Variants in HMCN2 observed in about 807,000 individuals in gnomAD.
HMCN2 encodes hemicentin 2, also known as hemicentin-2.
Under a neutral mutation model 377.5 loss-of-function variants are expected in HMCN2, and 325 were observed. The ratio of observed to expected loss-of-function variants is 0.86; its 90% CI spans 0.79 to 0.94. HMCN2 has a LOEUF of 0.94. HMCN2 is among the 40% of genes least tolerant of loss of function. The pLI, the probability that HMCN2 is intolerant of heterozygous loss-of-function variation, is 0.00. For synonymous variants in HMCN2, 2,007 were observed against 2,046.8 expected (o/e 0.98, Z 0.53); for missense variants, 4,543 against 4,725.3 (o/e 0.96, Z 1.13).
chr9:130,379,576 T>C, intron 54 of HMCN2, 109 bp downstream of exon 54: 1 of 364,002 alleles, frequency 2.7e-6, no homozygotes, highest in Non-Finnish European at 3.8e-6. Context: ...AGCTGCAATT[T>C]GTAAACTGGG....
intron 86 of HMCN2, among the ~76,000 whole-genome samples, chr9:130,420,089 T>TTTTTA (rs1491530163): frequency 8.6e-6 from 1 of 116,662 alleles, no homozygotes; most frequent in African/African-American, 3.5e-5. Flanking sequence ...TTTTTTTTTT[T>TTTTTA]GAGACGGAGT....
rs1000312184 is a variant in HMCN2 at position 130,427,556 on chromosome 9, G to A, written c.14002G>A (p.Gly4668Ser). The change falls in exon 92 of 98, where the codon GGC (glycine) becomes AGC (serine). Residue 4668 changes from glycine (G) to serine (S), a missense_variant. Around this residue, in one of 5 missense-constraint regions of HMCN2, gnomAD observed 1,155 missense variants for 1,157.7 expected, o/e 1.00. Transcript: ENST00000683500. ...CTCCCATGCCTGCCTTAATGCACCC[G>A]GCCGCTTCTCCTGCACCTGCCCCAC... is the stretch of plus-strand genomic sequence containing the variant. ...PCSHACLNAP[G>S]RFSCTCPTGF... 3.0e-5 allele frequency: 46 copies of A among 1,550,372 alleles called. No individual in the cohort carries two copies. The highest frequency in any genetic ancestry group is 3.6e-5 in the South Asian group (3 of 84,062).
intron 57 of HMCN2, among the ~76,000 whole-genome samples, chr9:130,384,107 G>C (rs964844913): frequency 6.6e-6 from 1 of 152,224 alleles, no homozygotes; most frequent in Non-Finnish European, 1.5e-5. Context: ...AGCCCTCAAG[G>C]TCATGGGCTC....
chr9:130,416,351 C>T (rs7853951), intron 85 of HMCN2, among the ~76,000 whole-genome samples: 56,083 of 151,856 alleles, frequency 0.37, 11,094 homozygotes, highest in Non-Finnish European at 0.45. Flanking sequence ...GTGATCCACC[C>T]GCCTCGGCCT....
rs1389764752 is a variant in HMCN2, at chr9:130,431,440, G to A, written c.14721G>A (p.Leu4907=). Residue 4907 remains leucine, a synonymous_variant, in exon 96 of 98, where the codon CTG becomes CTA. Coordinates refer to ENST00000683500, the MANE Select transcript of HMCN2 (RefSeq NM_001291815.2). ...CRNTEGSYQC[L]CPAGYRLLPS... ...ACACTGAGGGCAGCTACCAGTGCCTGTGCCCCGCCGGCTACCGTCTGCTCC... is the reference window on the plus strand; with the variant it reads ...ACACTGAGGGCAGCTACCAGTGCCTATGCCCCGCCGGCTACCGTCTGCTCC... 1 of 1,550,082 alleles carries A rather than the reference G, an allele frequency of 6.5e-7. No individual in the cohort carries two copies. The highest frequency in any genetic ancestry group is 1.4e-5 in the African/African-American group (1 of 73,050).
At chr9:130,354,300 G>A (rs118171219) in intron 31 of HMCN2, among the ~76,000 whole-genome samples, 3,278 of 152,214 alleles carry the variant, frequency 0.022, 36 homozygotes, top group Middle Eastern at 0.058. Flanking sequence ...CTTGGCCATC[G>A]CTGGCTAAGT....
rs1045286180 is a variant in HMCN2, at chr9:130,335,870, G to A, written c.3360-2024G>A. On this transcript the variant is annotated intron_variant, in intron 22 of 97. Transcript: ENST00000683500. The stretch of plus-strand genomic sequence containing the variant: ...GCAGTGGTTCCCTGGAGGCGGTTCC[G>A]CAGCCATTAGTATCAGCTACCTAGG... 3.2e-3 allele frequency among the ~76,000 whole-genome samples: 491 copies of A among 152,274 alleles called. 5 individuals carry two copies. The highest frequency in any genetic ancestry group is 0.011 in the African/African-American group (446 of 41,538).
chr9:130,271,564 C>T (rs1287896679), intron 1 of HMCN2, among the ~76,000 whole-genome samples: 3 of 149,058 alleles, frequency 2.0e-5, no homozygotes, highest in African/African-American at 4.8e-5. Context: ...TTGGACACCC[C>T]TCTTGTTGTG....
chr9:130,340,816 C>A (rs1440191560), intron 23 of HMCN2, among the ~76,000 whole-genome samples: 2 of 152,216 alleles, frequency 1.3e-5, no homozygotes, highest in Admixed American at 1.3e-4. Context: ...CCGCTCCCAG[C>A]CCCGAGTGGC....
chr9:130,300,871 A>T (rs7863793), intron 8 of HMCN2, among the ~76,000 whole-genome samples: 14,441 of 152,156 alleles, frequency 0.095, 713 homozygotes, highest in Middle Eastern at 0.15. Flanking sequence ...CCTAACAGGG[A>T]TGTCTAGGGC....
intron 15 of HMCN2, among the ~76,000 whole-genome samples, chr9:130,311,808 C>T (rs1258112158): frequency 6.6e-6 from 1 of 152,086 alleles, no homozygotes; most frequent in East Asian, 1.9e-4. Context: ...TCACTCCCCG[C>T]CTGGGGAGCT....
rs1308872575 is a variant in HMCN2 at position 130,382,269 on chromosome 9, C to T, written c.8517C>T (p.Asp2839=). The part of the protein sequence containing the change: ...SCKASNEVGE[D]WLHYELLVLT... ...AGGCCTCCAACGAGGTGGGCGAGGA[C>T]TGGCTGCACTACGAGCTGCTGGTGC... The change falls in exon 55 of 98, where the codon GAC becomes GAT. Residue 2839 remains aspartate (D), a synonymous_variant. Coordinates refer to ENST00000683500, the MANE Select transcript of HMCN2 (RefSeq NM_001291815.2). 7 of 985,746 alleles carry T rather than the reference C, an allele frequency of 7.1e-6. No homozygotes were observed. Among genetic ancestry groups the T allele is most frequent in the Non-Finnish European group, 8.4e-6 (7 of 829,936 alleles). 61.1% of individuals were successfully genotyped at this position (985,746 alleles called of 1,614,324 possible). A position where few individuals can be genotyped will look rare whatever the true frequency, so the allele number is the denominator to read the frequency against.
rs368161226 is a variant in HMCN2, at chr9:130,353,097, C to T, written c.4756C>T (p.Arg1586Trp). 5,922 of 1,304,220 alleles carry T rather than the reference C, an allele frequency of 4.5e-3. 18 individuals are homozygous for T. Among genetic ancestry groups the T allele is most frequent in the Non-Finnish European group, 5.7e-3 (5,634 of 988,926 alleles). 80.8% of individuals were successfully genotyped at this position (1,304,220 alleles called of 1,614,324 possible). The change falls in exon 31 of 98, where the codon CGG becomes TGG. Residue 1586 changes from arginine (R) to tryptophan (W), a missense_variant. Physicochemically the swap from Arg to Trp is moderately radical, Grantham distance 101 (BLOSUM62 -3). Around this residue, in one of 5 missense-constraint regions of HMCN2, gnomAD observed 1,032 missense variants for 1,285.1 expected, o/e 0.80. Coordinates refer to ENST00000683500, the MANE Select transcript of HMCN2 (RefSeq NM_001291815.2). ...STKVVYTRGG[R>W]QLQLGRAQSS... ...CAAGGTGGTCTACACTAGGGGCGGTCGGCAGTTGCAGCTGGGGAGGGCCCA... is the reference window on the plus strand; with the variant it reads ...CAAGGTGGTCTACACTAGGGGCGGTTGGCAGTTGCAGCTGGGGAGGGCCCA...
chr9:130,429,500 T>A (rs535089515), intron 93 of HMCN2, 57 bp from the exon 94 acceptor site: 2 of 1,546,218 alleles, frequency 1.3e-6, no homozygotes, highest in East Asian at 4.9e-5. Flanking sequence ...GTCCGTCCCT[T>A]GGGGGAGGGG....
intron 85 of HMCN2, among the ~76,000 whole-genome samples, chr9:130,412,747 T>C (rs1192403611): frequency 2.6e-5 from 4 of 152,054 alleles, no homozygotes; most frequent in African/African-American, 9.7e-5. Context: ...CGACTAATTT[T>C]TGTAATTTTA....
intron 77 of HMCN2, among the ~76,000 whole-genome samples, chr9:130,402,221 G>T (rs1842883978): frequency 1.3e-5 from 2 of 152,258 alleles, no homozygotes; most frequent in Non-Finnish European, 2.9e-5. Flanking sequence ...CGTGGGCCTT[G>T]CTTCCTTCCC....
intron 95 of HMCN2, chr9:130,431,036 C>T (rs1315393959): frequency 1.3e-5 from 6 of 472,292 alleles, no homozygotes; most frequent in East Asian, 3.8e-5. Flanking sequence ...GGGATGGCCC[C>T]TGGACCCTGC....
chr9:130,275,366 C>T lies in HMCN2; in HGVS notation c.259+9229C>T, dbSNP rs188224277. Among the ~76,000 whole-genome samples the T allele has an allele frequency of 5.0e-4, 76 of 152,330 alleles. No homozygotes were observed. The East Asian group carries it at 6.9e-3, about 14-fold the overall frequency. ...CCACACACTTGCCTGGGAGCTGGAA[C>T]GGCTGGGACTCTGGTTGCATGTTCC... On this transcript the variant is annotated intron_variant, in intron 1 of 97. Transcript: ENST00000683500.
rs549961034 is a variant in HMCN2 at position 130,267,968 on chromosome 9, C to T, written c.259+1831C>T. Among the ~76,000 whole-genome samples the T allele has an allele frequency of 1.0e-3, 152 of 152,352 alleles. 1 individual carries two copies. Among genetic ancestry groups the T allele is most frequent in the Admixed American group, 2.8e-3 (43 of 15,302 alleles). ...CATCACACTGAAGGAGCTTAGAGAT[C>T]GTTGAATCTACCCCTTTATCTTACA... On this transcript the variant is annotated intron_variant, in intron 1 of 97. Transcript: ENST00000683500.
Sources: allele counts gnomAD v4.1 joint callset (sites outside exome capture counted in the v4.1 genomes callset), GRCh38; gene constraint gnomAD v4.1.1; regional missense constraint gnomAD v4.1.1; transcripts MANE v1.5; gene names NCBI Gene and HGNC (gene_info 2026-07-23, HGNC 2026-07-21).